Variants in PATJ observed in about 807,000 individuals in gnomAD.
PATJ encodes the protein inaD-like protein.
Under a neutral mutation model 224.9 loss-of-function variants are expected in PATJ, and 190 were observed. The ratio of observed to expected loss-of-function variants is 0.84; its 90% CI spans 0.75 to 0.95. PATJ has a LOEUF of 0.95. PATJ is among the 40% of genes least tolerant of loss of function. The pLI is 0.00. For synonymous variants in PATJ, 769 were observed against 820.3 expected (o/e 0.94, Z 1.07); for missense variants, 2,121 against 2,270.3 (o/e 0.93, Z 1.34).
intron 27 of PATJ, among the ~76,000 whole-genome samples, chr1:61,968,193 CATCTT>C (rs1391328525): frequency 6.6e-6 from 1 of 152,258 alleles, no homozygotes; most frequent in Non-Finnish European, 1.5e-5. Flanking sequence ...TTATTAAACT[CATCTT>C]AGCTACCAGT....
chr1:61,897,193 A>G (rs1356828162), intron 22 of PATJ, among the ~76,000 whole-genome samples: 3 of 152,220 alleles, frequency 2.0e-5, no homozygotes, highest in African/African-American at 7.2e-5. Flanking sequence ...ATTATTACAT[A>G]GGACCATCAA....
intron 19 of PATJ, among the ~76,000 whole-genome samples, 192 bp downstream of exon 19, chr1:61,861,859 TTC>T (rs145278086): frequency 2.0e-5 from 3 of 151,332 alleles, no homozygotes; most frequent in Admixed American, 6.6e-5. Context: ...TAATCCTCCT[TTC>T]TCTCTCTCTC....
At chr1:61,942,535 A>C (rs1428336808) in intron 27 of PATJ, among the ~76,000 whole-genome samples, 1 of 151,938 alleles carries the variant, frequency 6.6e-6, no homozygotes, top group African/African-American at 2.4e-5. Flanking sequence ...GCCATTTTGG[A>C]AAGCAGTTTG....
At chr1:61,826,927 T>C (rs1389136518) in intron 15 of PATJ, among the ~76,000 whole-genome samples, 1 of 152,224 alleles carries the variant, frequency 6.6e-6, no homozygotes, top group Non-Finnish European at 1.5e-5. Context: ...TATTCTAGAC[T>C]TATTAGCTAT....
chr1:62,108,526 T>C lies in PATJ; in HGVS notation c.4461+6T>C, dbSNP rs1468892916. 1.3e-6 allele frequency: 2 copies of C among 1,578,240 alleles called. No homozygotes were observed. Among genetic ancestry groups the C allele is most frequent in the Admixed American group, 1.7e-5 (1 of 57,938 alleles). On this transcript the variant is annotated splice_donor_region_variant and intron_variant, in intron 34 of 43. Transcript: ENST00000642238. ...CTGGTGACCAGATATTAGAGGTATA[T>C]GGTTTTGAATTTTATTTTATATCAG...
intron 26 of PATJ, among the ~76,000 whole-genome samples, chr1:61,926,260 C>G (rs1675184599): frequency 1.3e-5 from 2 of 152,174 alleles, no homozygotes; most frequent in African/African-American, 4.8e-5. Flanking sequence ...TGTACACACC[C>G]TTCTCTCACA....
Position 62,010,795 on chromosome 1 carries a change from A to G in PATJ, c.3868-7061A>G, listed in dbSNP as rs1273984394. 3.3e-5 allele frequency among the ~76,000 whole-genome samples: 5 copies of G among 152,322 alleles called. No homozygotes were observed. In the East Asian group the frequency reaches 9.7e-4, roughly 29 times the overall value. ...ACAATCATGGCTGAAGGGGAAGCAA[A>G]CACATCCTTCTTCACATGAAAGGCT... On this transcript the variant is annotated intron_variant, in intron 28 of 43. Transcript: ENST00000642238.
intron 32 of PATJ, among the ~76,000 whole-genome samples, chr1:62,082,232 A>G (rs1217814823): frequency 1.3e-5 from 2 of 152,146 alleles, no homozygotes; most frequent in East Asian, 3.9e-4. Flanking sequence ...CTTGCTGTTA[A>G]CCAGGAGGCC....
chr1:62,047,123 T>A (rs1652708140), intron 30 of PATJ, among the ~76,000 whole-genome samples: 1 of 152,260 alleles, frequency 6.6e-6, no homozygotes, highest in Non-Finnish European at 1.5e-5. Context: ...CATAATTAGA[T>A]GAATGTTTTC....
intron 30 of PATJ, among the ~76,000 whole-genome samples, chr1:62,044,494 T>C (rs2148548187): frequency 6.6e-6 from 1 of 152,372 alleles, no homozygotes; most frequent in South Asian, 2.1e-4. Flanking sequence ...TAAGAAGCCA[T>C]TGCTGTCGTC....
intron 33 of PATJ, among the ~76,000 whole-genome samples, chr1:62,099,759 C>T (rs1303920498): frequency 6.6e-6 from 1 of 152,158 alleles, no homozygotes; most frequent in Non-Finnish European, 1.5e-5. Context: ...TGTAAAATCT[C>T]ATCTACTAAA....
rs375530461 is a variant in PATJ at position 61,841,060 on chromosome 1, G to A, written c.2112+7275G>A. ...ATTTTGTTTCAACTTTATATATGGC[G>A]GTAATTAATTTATTGGCCTTTGTAG... On this transcript the variant is annotated intron_variant, in intron 17 of 43. Coordinates refer to ENST00000642238, the MANE Select transcript of PATJ (RefSeq NM_001350145.3). 5.9e-5 allele frequency among the ~76,000 whole-genome samples: 9 copies of A among 151,944 alleles called. No homozygotes were observed. In the East Asian group the frequency reaches 1.2e-3, roughly 20 times the overall value.
At chr1:61,935,767 G>A (rs1380023107) in intron 27 of PATJ, among the ~76,000 whole-genome samples, 1 of 151,840 alleles carries the variant, frequency 6.6e-6, no homozygotes, top group Admixed American at 6.6e-5. Flanking sequence ...CTCCAGCCTG[G>A]GCAACAGAGT....
intron 14 of PATJ, among the ~76,000 whole-genome samples, chr1:61,811,244 T>C (rs568527819): frequency 4.3e-4 from 66 of 152,330 alleles, no homozygotes; most frequent in African/African-American, 1.5e-3. Flanking sequence ...CTCTTGTTTT[T>C]TGAGACGGAG....
chr1:61,881,973 ATTTTT>A (rs1442042463), intron 21 of PATJ, among the ~76,000 whole-genome samples: 1 of 152,154 alleles, frequency 6.6e-6, no homozygotes, highest in Non-Finnish European at 1.5e-5. Context: ...GTATACTCAT[ATTTTT>A]TAAACTTAAA....
chr1:61,940,922 T>C (rs1186553078), intron 27 of PATJ, among the ~76,000 whole-genome samples: 1 of 152,154 alleles, frequency 6.6e-6, no homozygotes, highest in East Asian at 1.9e-4. Context: ...CTTCACAGTA[T>C]TACATTTTCA....
At chr1:61,963,818 G>A in intron 27 of PATJ, among the ~76,000 whole-genome samples, 1 of 152,026 alleles carries the variant, frequency 6.6e-6, no homozygotes, top group South Asian at 2.1e-4. Context: ...AGGGTTAATT[G>A]TATAGAATAA....
intron 35 of PATJ, among the ~76,000 whole-genome samples, chr1:62,115,479 A>T (rs1009265537): frequency 7.9e-5 from 12 of 151,812 alleles, no homozygotes; most frequent in Non-Finnish European, 1.5e-4. Flanking sequence ...AAAATTTTTT[A>T]AATAAAGAAA....
At position 61,861,621 on chromosome 1, in the gene PATJ, G is replaced by C. The variant is rs1664631057; in HGVS notation, c.2393G>C (p.Gly798Ala). 6.7e-7 allele frequency: 1 copy of C among 1,486,594 alleles called. No individual in the cohort carries two copies. The highest frequency in any genetic ancestry group is 9.0e-7 in the Non-Finnish European group (1 of 1,108,298). The allele number at this position is 1,486,594 out of a possible 1,614,324, so 92.1% of individuals were successfully genotyped here. A position where few individuals can be genotyped will look rare whatever the true frequency, so the allele number is the denominator to read the frequency against. Residue 798 changes from glycine to alanine, a missense_variant, in exon 19 of 44, where the codon GGA (glycine) becomes GCA (alanine). By Grantham distance (60) the Gly-to-Ala change is moderately conservative. Transcript: ENST00000642238. ...SSNEDKTEFS[G>A]TIHDINSSLI... Reference sequence around the variant, plus strand: ...AATGAAGACAAGACTGAATTTTCAGGAACAATTCATGATATAAATTCATCT... The same window carrying C: ...AATGAAGACAAGACTGAATTTTCAGCAACAATTCATGATATAAATTCATCT...
Sources: gnomAD v4.1 joint callset for allele counts (sites outside exome capture counted in the v4.1 genomes callset) on GRCh38, gnomAD v4.1.1 for gene constraint, MANE v1.5 for transcripts, NCBI Gene and HGNC (gene_info 2026-07-23, HGNC 2026-07-21) for gene names.